Variants in FLNB observed in about 807,000 individuals in gnomAD.
FLNB encodes the protein filamin-B.
Under a neutral mutation model 250.6 loss-of-function variants are expected in FLNB, and 111 were observed. The ratio of observed to expected loss-of-function variants is 0.44; its 90% CI spans 0.38 to 0.52. The LOEUF (loss-of-function observed/expected upper bound fraction) is 0.52. Among genes scored for constraint, FLNB ranks in the 20% least tolerant of loss-of-function variants. FLNB has a pLI of 0.00. For missense variants in FLNB, 2,869 were observed against 3,447.8 expected, an observed-to-expected ratio of 0.83 and a Z score of 4.20; for synonymous variants, 1,302 against 1,372.1, an observed-to-expected ratio of 0.95 and a Z score of 1.13.
chr3:58,109,369 C>T, intron 14 of FLNB, 47 bp downstream of exon 14: 1 of 1,595,148 alleles, frequency 6.3e-7, no homozygotes, highest in Non-Finnish European at 8.5e-7. Flanking sequence ...AATGCCTGGT[C>T]ATACACCAGG....
rs914740856 is a variant in FLNB, at chr3:58,096,296, T to G, written c.984+78T>G. On this transcript the variant is annotated intron_variant, in intron 6 of 45. Transcript: ENST00000295956. ...AAAGATAGCCCAGGAAGAAGAGTGTTTTTCTTAAGTGAATTTCTGATTTTC... is the reference window on the plus strand; with the variant it reads ...AAAGATAGCCCAGGAAGAAGAGTGTGTTTCTTAAGTGAATTTCTGATTTTC... 51 of 1,014,528 alleles carry G rather than the reference T, an allele frequency of 5.0e-5. 1 individual carries two copies. Among genetic ancestry groups the G allele is most frequent in the Admixed American group, 2.2e-4 (12 of 54,012 alleles). 62.8% of individuals were successfully genotyped at this position (1,014,528 alleles called of 1,614,324 possible). A position where few individuals can be genotyped will look rare whatever the true frequency, so the allele number is the denominator to read the frequency against.
chr3:58,110,243 C>T, intron 16 of FLNB, 73 bp downstream of exon 16: 1 of 1,462,114 alleles, frequency 6.8e-7, no homozygotes, highest in Non-Finnish European at 9.6e-7. Flanking sequence ...GTGCATGTCT[C>T]ATCTACTTTT....
chr3:58,056,304 T>C (rs1386037956), intron 1 of FLNB, among the ~76,000 whole-genome samples: 1 of 151,796 alleles, frequency 6.6e-6, no homozygotes, highest in Non-Finnish European at 1.5e-5. Context: ...GGTTTCACCA[T>C]GTTGACCAGG....
intron 29 of FLNB, among the ~76,000 whole-genome samples, chr3:58,141,017 G>A (rs1310057116): frequency 6.6e-6 from 1 of 152,166 alleles, no homozygotes; most frequent in Non-Finnish European, 1.5e-5. Flanking sequence ...GGAGGCCAAG[G>A]TGAGAGGGTT....
In FLNB at chr3:58,169,884, A is replaced by G; in HGVS notation, c.7621+91A>G. The G allele has an allele frequency of 2.0e-6, 2 of 991,892 alleles. No homozygotes were observed. Among genetic ancestry groups the G allele is most frequent in the Non-Finnish European group, 3.1e-6 (2 of 647,996 alleles). The allele number at this position is 991,892 out of a possible 1,614,324, so 61.4% of individuals were successfully genotyped here. A position where few individuals can be genotyped will look rare whatever the true frequency, so the allele number is the denominator to read the frequency against. ...GGCCTTCCCTGCTGAGGTCTCCTGCAGTGCCCACCCCCATGTAGGCCAGCC... is the reference window on the plus strand; with the variant it reads ...GGCCTTCCCTGCTGAGGTCTCCTGCGGTGCCCACCCCCATGTAGGCCAGCC... On this transcript the variant is annotated intron_variant, in intron 45 of 45. Coordinates refer to ENST00000295956, the MANE Select transcript of FLNB (RefSeq NM_001457.4). This position sits in a 1 kb window ranked among gnomAD's most constrained non-coding sequence, Gnocchi z 4.8.
At chr3:58,037,320 C>T (rs557422580) in intron 1 of FLNB, among the ~76,000 whole-genome samples, 127 of 152,286 alleles carry the variant, frequency 8.3e-4, no homozygotes, top group African/African-American at 3.0e-3. Flanking sequence ...TCGCTTTGGC[C>T]TCCCAAAGTG....
At chr3:58,025,065 T>G in intron 1 of FLNB, among the ~76,000 whole-genome samples, 1 of 150,916 alleles carries the variant, frequency 6.6e-6, no homozygotes, top group Admixed American at 6.6e-5. Context: ...CACCCTTTCT[T>G]TTGTCTCCTG....
At chr3:58,065,189 C>G (rs2106898754) in intron 1 of FLNB, among the ~76,000 whole-genome samples, 1 of 152,318 alleles carries the variant, frequency 6.6e-6, no homozygotes, top group South Asian at 2.1e-4. Context: ...TTCCCGAGAG[C>G]CTCGGCAGCG....
intron 1 of FLNB, among the ~76,000 whole-genome samples, chr3:58,009,160 G>A (rs1198271005): frequency 6.6e-6 from 1 of 152,186 alleles, no homozygotes; most frequent in Non-Finnish European, 1.5e-5. Flanking sequence ...CTACACCTGG[G>A]GCGCCCCTAT....
At chr3:58,152,946 G>A (rs533530266) in intron 38 of FLNB, 2 of 313,180 alleles carry the variant, frequency 6.4e-6, no homozygotes, top group African/African-American at 4.3e-5. Context: ...CTGGTCTTTG[G>A]TTTGCTCAAA....
Position 58,150,162 on chromosome 3 carries a change from G to A in FLNB, c.6302G>A (p.Arg2101His), listed in dbSNP as rs758173602. Residue 2101 changes from arginine (R) to histidine (H), a missense_variant, in exon 38 of 46, where the codon CGC becomes CAC. Transcript: ENST00000295956. Reference sequence around the variant, plus strand: ...GGAAGAGTCAAAGAGAGCATCACCCGCACCAGTCGGGCCCCGTCCGTGGCC... The same window carrying A: ...GGAAGAGTCAAAGAGAGCATCACCCACACCAGTCGGGCCCCGTCCGTGGCC... ...GEGRVKESIT[R>H]TSRAPSVATV... 1.4e-4 allele frequency: 230 copies of A among 1,614,080 alleles called. No homozygotes were observed. The highest frequency in any genetic ancestry group is 1.8e-4 in the Non-Finnish European group (218 of 1,180,046).
Position 58,143,614 on chromosome 3 carries a change from G to C in FLNB, c.5425+1G>C. The C allele has an allele frequency of 6.2e-7, 1 of 1,613,876 alleles. No homozygotes were observed. The highest frequency in any genetic ancestry group is 8.5e-7 in the Non-Finnish European group (1 of 1,180,042). ...AAATACATGGGCAGCCACATCCCTG[G>C]TAAGCTGAGTCAGCAGGCCCAGCAG... On this transcript the variant is annotated splice_donor_variant, in intron 32 of 45. Coordinates refer to ENST00000295956, the MANE Select transcript of FLNB (RefSeq NM_001457.4). LOFTEE classifies it high-confidence loss of function.
intron 4 of FLNB, among the ~76,000 whole-genome samples, chr3:58,082,232 T>C (rs1448484746): frequency 6.6e-6 from 1 of 152,212 alleles, no homozygotes; most frequent in Non-Finnish European, 1.5e-5. Context: ...TAAGACATCC[T>C]GTTTATGACT....
At chr3:58,114,691 C>T (rs1035154537) in intron 18 of FLNB, among the ~76,000 whole-genome samples, 1 of 138,402 alleles carries the variant, frequency 7.2e-6, no homozygotes, top group Non-Finnish European at 1.6e-5. Flanking sequence ...TCCTTGCTAA[C>T]ATTTGTTTTT....
intron 10 of FLNB, 115 bp downstream of exon 10, chr3:58,104,200 T>A: frequency 2.5e-5 from 8 of 323,406 alleles, no homozygotes; most frequent in East Asian, 7.1e-5. Flanking sequence ...GTTGAAAACT[T>A]TTTTTTTTTT....
At chr3:58,160,932 G>A (rs1298240621) in intron 42 of FLNB, among the ~76,000 whole-genome samples, 3 of 152,168 alleles carry the variant, frequency 2.0e-5, no homozygotes, top group Non-Finnish European at 4.4e-5. Flanking sequence ...GCTGTGAGCT[G>A]TGATCATGCC....
At chr3:58,148,110 T>G (rs948809809) in intron 34 of FLNB, 96 bp from the exon 35 acceptor site, 80 of 1,257,942 alleles carry the variant, frequency 6.4e-5, no homozygotes, top group Non-Finnish European at 8.6e-5. Context: ...TAATTAGTTC[T>G]TGCGTGTTCA....
chr3:58,124,562 C>T (rs1262824397), intron 22 of FLNB, 57 bp downstream of exon 22: 2 of 1,578,550 alleles, frequency 1.3e-6, no homozygotes, highest in Non-Finnish European at 1.7e-6. Context: ...TGGTCATTGC[C>T]TCCTGGTGGC....
At position 58,148,343 on chromosome 3, in the gene FLNB, A is replaced by T. The variant is rs766142205; in HGVS notation, c.5866A>T (p.Arg1956Trp). 1 of 1,613,826 alleles carries T rather than the reference A, an allele frequency of 6.2e-7. No homozygotes were observed. Among genetic ancestry groups the T allele is most frequent in the South Asian group, 1.1e-5 (1 of 90,996 alleles). The change falls in exon 35 of 46, where the codon AGG becomes TGG. Residue 1956 changes from arginine to tryptophan, a missense_variant. This residue lies in a region of FLNB where 1,084 missense variants were observed against 1,315.5 expected (regional missense o/e 0.82). Coordinates refer to ENST00000295956, the MANE Select transcript of FLNB (RefSeq NM_001457.4). ...SGRDEPCLLK[R>W]LPNNHIGISF... ...CCGAGACGAGCCCTGTCTCCTGAAGAGGCTGCCCAACAACCACATTGGTGA... is the reference window on the plus strand; with the variant it reads ...CCGAGACGAGCCCTGTCTCCTGAAGTGGCTGCCCAACAACCACATTGGTGA...
Sources: gnomAD v4.1 joint callset for allele counts (sites outside exome capture counted in the v4.1 genomes callset) on GRCh38, gnomAD v4.1.1 for gene constraint, gnomAD v4.1.1 regional missense constraint, Gnocchi (gnomAD v3.1) non-coding constraint, MANE v1.5 for transcripts, NCBI Gene and HGNC (gene_info 2026-07-23, HGNC 2026-07-21) for gene names.